Variants in ITGA1 observed in about 807,000 individuals in gnomAD.
The protein encoded by ITGA1 is integrin subunit alpha 1, also known as integrin alpha-1.
A neutral mutation model predicts 145.9 loss-of-function variants in ITGA1; 85 were observed. The observed-to-expected ratio is 0.58, with a 90% CI of 0.49 to 0.70. The LOEUF is 0.70. ITGA1 is among the 30% of genes least tolerant of loss of function. The pLI, the probability that ITGA1 is intolerant of heterozygous loss-of-function variation, is 0.00. For missense variants in ITGA1, 1,351 were observed against 1,418.7 expected (o/e 0.95, Z 0.77); for synonymous variants, 520 against 495.3 (o/e 1.05, Z -0.66).
chr5:52,924,408 G>C (rs1750772609), intron 18 of ITGA1, among the ~76,000 whole-genome samples: 1 of 152,142 alleles, frequency 6.6e-6, no homozygotes, highest in Non-Finnish European at 1.5e-5. Flanking sequence ...GGGATGCTAA[G>C]TGTGAAAGTC....
intron 2 of ITGA1, among the ~76,000 whole-genome samples, chr5:52,855,583 G>T (rs1219386314): frequency 2.0e-5 from 3 of 152,082 alleles, no homozygotes; most frequent in East Asian, 1.9e-4. Flanking sequence ...GGGGAATAGA[G>T]AACAAAAATT....
At chr5:52,869,160 CTGTT>C (rs1364170552) in intron 6 of ITGA1, among the ~76,000 whole-genome samples, 1 of 152,068 alleles carries the variant, frequency 6.6e-6, no homozygotes, top group Non-Finnish European at 1.5e-5. Flanking sequence ...TGATTCTTTT[CTGTT>C]TGTTTGTTTT....
Position 52,933,884 on chromosome 5 carries a change from A to C in ITGA1, c.2862-10A>C, listed in dbSNP as rs1750927013. 7.2e-7 allele frequency: 1 copy of C among 1,392,538 alleles called. No homozygotes were observed. The highest frequency in any genetic ancestry group is 1.5e-5 in the African/African-American group (1 of 67,894). The allele number at this position is 1,392,538 out of a possible 1,614,324, so 86.3% of individuals were successfully genotyped here. ...TTATGTTTTATTTTTCTTCTAATTAATTTTTTAAGCTCTGCAAGTGAATAC... is the reference window on the plus strand; with the variant it reads ...TTATGTTTTATTTTTCTTCTAATTACTTTTTTAAGCTCTGCAAGTGAATAC... On this transcript the variant is annotated splice_polypyrimidine_tract_variant and intron_variant, in intron 22 of 28. Coordinates refer to ENST00000282588, the MANE Select transcript of ITGA1 (RefSeq NM_181501.2).
intron 1 of ITGA1, chr5:52,825,078 T>G (rs1748939131): frequency 1.3e-5 from 2 of 152,224 alleles, no homozygotes. Context: ...CTACATCCAG[T>G]GGAAATTCTG....
chr5:52,864,858 A>G lies in ITGA1; in HGVS notation c.384+7A>G. Reference sequence around the variant, plus strand: ...CCCAAATGGAGGATTTCTGGTAAGAATGGAGAGAATGATATTTATTGACAA... The same window carrying G: ...CCCAAATGGAGGATTTCTGGTAAGAGTGGAGAGAATGATATTTATTGACAA... On this transcript the variant is annotated splice_region_variant and intron_variant, in intron 4 of 28. Coordinates refer to ENST00000282588, the MANE Select transcript of ITGA1 (RefSeq NM_181501.2). 6.3e-7 allele frequency: 1 copy of G among 1,589,028 alleles called. No individual in the cohort carries two copies. The highest frequency in any genetic ancestry group is 8.6e-7 in the Non-Finnish European group (1 of 1,157,874).
At chr5:52,884,677 T>C (rs184117008) in intron 7 of ITGA1, among the ~76,000 whole-genome samples, 5 of 152,288 alleles carry the variant, frequency 3.3e-5, no homozygotes, top group African/African-American at 1.2e-4. Context: ...AGGGGGATTC[T>C]TGCTAGACTG....
chr5:52,918,740 A>T lies in ITGA1; in HGVS notation c.1997A>T (p.Asp666Val). The T allele has an allele frequency of 1.2e-6, 2 of 1,607,904 alleles. No homozygotes were observed. The highest frequency in any genetic ancestry group is 1.1e-5 in the South Asian group (1 of 89,352). Residue 666 changes from aspartate (D) to valine (V), a missense_variant, in exon 16 of 29, where the codon GAT (aspartate) becomes GTT (valine). Physicochemically the swap from Asp to Val is radical, Grantham distance 152 (BLOSUM62 -3). Coordinates refer to ENST00000282588, the MANE Select transcript of ITGA1 (RefSeq NM_181501.2). Reference sequence around the variant, plus strand: ...ATTGTTTTTGTTTGTAGGTCCCGAGATGTGGCCGTAGTTAAAGTGACCATG... The same window carrying T: ...ATTGTTTTTGTTTGTAGGTCCCGAGTTGTGGCCGTAGTTAAAGTGACCATG... ...LGGAALFWSR[D>V]VAVVKVTMNF...
intron 2 of ITGA1, among the ~76,000 whole-genome samples, chr5:52,850,534 T>C (rs1215480400): frequency 6.6e-6 from 1 of 152,172 alleles, no homozygotes; most frequent in African/African-American, 2.4e-5. Flanking sequence ...ACTTGGATAA[T>C]AAAGATCTAT....
At chr5:52,828,381 T>A (rs190370072) in intron 1 of ITGA1, among the ~76,000 whole-genome samples, 2 of 152,280 alleles carry the variant, frequency 1.3e-5, no homozygotes, top group African/African-American at 4.8e-5. Context: ...CCCATTGGGG[T>A]TTTAATTTAC....
In ITGA1 at chr5:52,865,928, A is replaced by G. The variant is rs59790606; in HGVS notation, c.624+111A>G. 1,273 of 771,828 alleles carry G rather than the reference A, an allele frequency of 1.6e-3. 11 individuals carry two copies. In the African/African-American group the frequency reaches 0.021, roughly 13 times the overall value. The allele number at this position is 771,828 out of a possible 1,614,324, so 47.8% of individuals were successfully genotyped here. A position where few individuals can be genotyped will look rare whatever the true frequency, so the allele number is the denominator to read the frequency against. On this transcript the variant is annotated intron_variant, in intron 6 of 28. Transcript: ENST00000282588. ...TTAATCAATAAAACTAAAGTTGAGAATGAATTTTATATCCATTTCCTGTTC... is the reference window on the plus strand; with the variant it reads ...TTAATCAATAAAACTAAAGTTGAGAGTGAATTTTATATCCATTTCCTGTTC...
At chr5:52,911,445 A>G (rs941050071) in intron 14 of ITGA1, among the ~76,000 whole-genome samples, 13 of 133,308 alleles carry the variant, frequency 9.8e-5, no homozygotes, top group African/African-American at 3.5e-4. Flanking sequence ...TATAGTATAG[A>G]TACACTATAT....
At chr5:52,940,457 G>A (rs6869689) in intron 26 of ITGA1, among the ~76,000 whole-genome samples, 63,713 of 147,546 alleles carry the variant, frequency 0.43, 15,653 homozygotes, top group Non-Finnish European at 0.55. Flanking sequence ...CGCCCAGGCT[G>A]GAGTGCAGTG....
chr5:52,947,270 G>A, intron 27 of ITGA1, 75 bp from the exon 28 acceptor site: 1 of 838,262 alleles, frequency 1.2e-6, no homozygotes, highest in Middle Eastern at 2.3e-4. Context: ...GAGAATTGTA[G>A]CCTGCAAGAA....
chr5:52,946,538 C>T (rs1010102488), intron 27 of ITGA1, among the ~76,000 whole-genome samples: 1 of 152,128 alleles, frequency 6.6e-6, no homozygotes, highest in Non-Finnish European at 1.5e-5. Context: ...AATCTTCCCT[C>T]TAGGTAAAGA....
At chr5:52,788,799 G>GA (rs1408917091) in intron 1 of ITGA1, among the ~76,000 whole-genome samples, 2 of 152,150 alleles carry the variant, frequency 1.3e-5, no homozygotes, top group Admixed American at 6.5e-5. Context: ...TAGGGCGCCT[G>GA]ATACATATGC....
chr5:52,899,642 C>T (rs1206689360), intron 11 of ITGA1, among the ~76,000 whole-genome samples: 1 of 152,048 alleles, frequency 6.6e-6, no homozygotes, highest in African/African-American at 2.4e-5. Flanking sequence ...AAGTCAGCTC[C>T]CGAAGCAATT....
At chr5:52,804,741 C>T (rs1420388001) in intron 1 of ITGA1, among the ~76,000 whole-genome samples, 3 of 152,092 alleles carry the variant, frequency 2.0e-5, no homozygotes, top group Non-Finnish European at 4.4e-5. Context: ...ATAATAGCAG[C>T]TCTTATTTGG....
intron 15 of ITGA1, 24 bp downstream of exon 15, chr5:52,915,618 T>C: frequency 6.2e-7 from 1 of 1,612,358 alleles, no homozygotes; most frequent in Non-Finnish European, 8.5e-7. Flanking sequence ...TAACATCCTG[T>C]TAATCTGAGA....
rs41308289 is a variant in ITGA1, at chr5:52,947,348, G to T, written c.3382G>T (p.Ala1128Ser). 1 of 1,591,562 alleles carries T rather than the reference G, an allele frequency of 6.3e-7. No individual in the cohort carries two copies. The highest frequency in any genetic ancestry group is 1.7e-5 in the Admixed American group (1 of 59,738). Residue 1128 changes from alanine to serine, a missense_variant, in exon 28 of 29, where the codon GCT (alanine) becomes TCT (serine). Ala to Ser is a moderately conservative substitution (Grantham distance 99). Transcript: ENST00000282588. ...AATCTTGTTTAATAATTTTCAGCTT[G>T]CTATTCAAATATCCAAAGATGGGCT... is the stretch of plus-strand genomic sequence containing the variant. ...LSSSNQKREL[A>S]IQISKDGLPG...
Sources: allele counts gnomAD v4.1 joint callset (sites outside exome capture counted in the v4.1 genomes callset), GRCh38; gene constraint gnomAD v4.1.1; transcripts MANE v1.5; gene names NCBI Gene and HGNC (gene_info 2026-07-23, HGNC 2026-07-21).